Variants in DDX50 observed in about 807,000 individuals in gnomAD.
DDX50 encodes DExD-box helicase 50.
Under a neutral mutation model 94.8 loss-of-function variants are expected in DDX50, and 56 were observed. The ratio of observed to expected loss-of-function variants is 0.59; its 90% CI spans 0.48 to 0.74. DDX50 has a LOEUF of 0.74. Among genes scored for constraint, DDX50 ranks in the 30% least tolerant of loss-of-function variants. The pLI, the probability that DDX50 is intolerant of heterozygous loss-of-function variation, is 0.00. For missense variants in DDX50, 713 were observed against 881.2 expected (o/e 0.81, Z 2.42); for synonymous variants, 264 against 295.4 (o/e 0.89, Z 1.09).
At chr10:68,925,713 A>T (rs933076969) in intron 8 of DDX50, among the ~76,000 whole-genome samples, 3 of 152,060 alleles carry the variant, frequency 2.0e-5, no homozygotes, top group Admixed American at 2.0e-4. Flanking sequence ...GTCTCTATAA[A>T]AAGTTAAAAA....
At chr10:68,937,324 A>G (rs1182069343) in intron 12 of DDX50, among the ~76,000 whole-genome samples, 1 of 152,112 alleles carries the variant, frequency 6.6e-6, no homozygotes, top group Non-Finnish European at 1.5e-5. Context: ...GTAACCACAT[A>G]CGATCCACCT....
intron 8 of DDX50, among the ~76,000 whole-genome samples, chr10:68,925,444 G>A (rs570171019): frequency 1.3e-5 from 2 of 151,970 alleles, no homozygotes; most frequent in South Asian, 2.1e-4. Context: ...AGACCATTTT[G>A]TCAGTTATTT....
chr10:68,933,889 C>T (rs7911108), intron 8 of DDX50, among the ~76,000 whole-genome samples: 87,787 of 150,944 alleles, frequency 0.58, 26,586 homozygotes, highest in East Asian at 0.89. Context: ...GAGCCAAGAT[C>T]GCTCCATTGC....
chr10:68,917,728 G>C (rs1268145173), intron 7 of DDX50, among the ~76,000 whole-genome samples: 1 of 152,052 alleles, frequency 6.6e-6, no homozygotes, highest in Non-Finnish European at 1.5e-5. Flanking sequence ...TTAGCCACCT[G>C]AGTGGCTGGG....
At chr10:68,920,351 T>A (rs1183335179) in intron 8 of DDX50, among the ~76,000 whole-genome samples, 5 of 152,082 alleles carry the variant, frequency 3.3e-5, no homozygotes, top group African/African-American at 7.2e-5. Flanking sequence ...TTTGTAGAGA[T>A]AAGATTTCAC....
Position 68,934,838 on chromosome 10 carries a change from A to G in DDX50, c.1441A>G (p.Arg481Gly), listed in dbSNP as rs750403932. 3 of 1,613,138 alleles carry G rather than the reference A, an allele frequency of 1.9e-6. No homozygotes were observed. Reference protein sequence around the residue: ...SYIHRSGRTGRAGRTGICICF... With the variant: ...SYIHRSGRTGGAGRTGICICF... ...TATCCATCGCTCTGGACGCACAGGT[A>G]GAGCTGGACGGACAGGGATTTGTAT... is the stretch of plus-strand genomic sequence containing the variant. The change falls in exon 10 of 15, where the codon AGA becomes GGA. Residue 481 changes from arginine to glycine, a missense_variant. Arg to Gly is a moderately radical substitution (Grantham distance 125). Coordinates refer to ENST00000373585, the MANE Select transcript of DDX50 (RefSeq NM_024045.2). This position sits in a 1 kb window ranked among gnomAD's most constrained non-coding sequence, Gnocchi z 4.0.
intron 12 of DDX50, among the ~76,000 whole-genome samples, chr10:68,939,521 G>C (rs4746804): frequency 2.6e-5 from 4 of 151,988 alleles, no homozygotes; most frequent in Non-Finnish European, 5.9e-5. Flanking sequence ...TCTTCTTGAC[G>C]TCATGTCTTA....
rs1842683912 is a variant in DDX50 at position 68,946,734 on chromosome 10, A to G, written c.*104A>G. 1.4e-6 allele frequency: 2 copies of G among 1,407,804 alleles called. No homozygotes were observed. Among genetic ancestry groups the G allele is most frequent in the South Asian group, 2.8e-5 (2 of 71,954 alleles). The allele number at this position is 1,407,804 out of a possible 1,614,324, so 87.2% of individuals were successfully genotyped here. A position where few individuals can be genotyped will look rare whatever the true frequency, so the allele number is the denominator to read the frequency against. On this transcript the variant is annotated 3_prime_UTR_variant, in exon 15 of 15. Transcript: ENST00000373585. ...ATCATAGTTGAGGTATGTGTCTGCTATTTGCAAAGAAGTTGGTCGTATTTT... is the reference window on the plus strand; with the variant it reads ...ATCATAGTTGAGGTATGTGTCTGCTGTTTGCAAAGAAGTTGGTCGTATTTT...
At chr10:68,925,263 C>T (rs1842054508) in intron 8 of DDX50, among the ~76,000 whole-genome samples, 1 of 151,038 alleles carries the variant, frequency 6.6e-6, no homozygotes, top group East Asian at 1.9e-4. Context: ...GCCACCATGC[C>T]CAACTAATTT....
intron 14 of DDX50, among the ~76,000 whole-genome samples, chr10:68,945,950 ATATT>A (rs200718583): frequency 4.0e-5 from 6 of 148,200 alleles, no homozygotes; most frequent in Non-Finnish European, 7.5e-5. Context: ...TTTAATTAGT[ATATT>A]TATTTAATTA....
intron 7 of DDX50, among the ~76,000 whole-genome samples, chr10:68,914,743 T>G (rs61868261): frequency 0.26 from 40,024 of 152,218 alleles, 6,591 homozygotes; most frequent in Non-Finnish European, 0.37. Flanking sequence ...GAAGTTGGGC[T>G]GAGCATGGTG....
intron 12 of DDX50, among the ~76,000 whole-genome samples, chr10:68,938,377 G>A (rs1482635568): frequency 6.6e-6 from 1 of 152,176 alleles, no homozygotes; most frequent in Admixed American, 6.5e-5. Context: ...ATTGGTGCAG[G>A]TAGCTCAGAG....
In DDX50 at chr10:68,906,914, A is replaced by C. The variant is rs1208063178; in HGVS notation, c.291A>C (p.Pro97=). The change falls in exon 2 of 15, where the codon CCA becomes CCC. Residue 97 remains proline (P), a synonymous_variant. Coordinates refer to ENST00000373585, the MANE Select transcript of DDX50 (RefSeq NM_024045.2). The stretch of plus-strand genomic sequence containing the variant: ...ATAAGTCAAGAAGAAAAGATCTACC[A>C]AATGGAGATATAGATGAATATGAAA... ...KSHKSRRKDL[P]NGDIDEYEKK... 1 of 1,609,152 alleles carries C rather than the reference A, an allele frequency of 6.2e-7. No individual in the cohort carries two copies. The highest frequency in any genetic ancestry group is 1.7e-5 in the Admixed American group (1 of 58,588).
intron 12 of DDX50, among the ~76,000 whole-genome samples, chr10:68,939,803 C>T (rs975182916): frequency 1.3e-5 from 2 of 152,128 alleles, no homozygotes; most frequent in Non-Finnish European, 2.9e-5. Context: ...ACGCTTATTA[C>T]TATATGATAT....
chr10:68,945,165 G>C (rs745887253), intron 14 of DDX50, among the ~76,000 whole-genome samples: 4 of 152,030 alleles, frequency 2.6e-5, no homozygotes, highest in Non-Finnish European at 4.4e-5. Flanking sequence ...AAATGTGATT[G>C]CTTGGCCAAA....
At chr10:68,920,396 C>T (rs1437803771) in intron 8 of DDX50, among the ~76,000 whole-genome samples, 2 of 152,120 alleles carry the variant, frequency 1.3e-5, no homozygotes, top group East Asian at 3.9e-4. Context: ...CTCCTGGGCT[C>T]AAGCAATTCC....
intron 2 of DDX50, among the ~76,000 whole-genome samples, chr10:68,907,735 T>A (rs1046347542): frequency 7.9e-5 from 12 of 152,164 alleles, no homozygotes; most frequent in African/African-American, 2.9e-4. Context: ...GGCCTTTTTT[T>A]TTTTAATTTG....
In DDX50 at chr10:68,934,726, CATT is replaced by C. The variant is rs1445835319; in HGVS notation, c.1402-66_1402-64del. 2.1e-6 allele frequency: 3 copies of C among 1,415,514 alleles called. No homozygotes were observed. Among genetic ancestry groups the C allele is most frequent in the Admixed American group, 4.8e-5 (2 of 42,054 alleles). The allele number at this position is 1,415,514 out of a possible 1,614,324, so 87.7% of individuals were successfully genotyped here. A position where few individuals can be genotyped will look rare whatever the true frequency, so the allele number is the denominator to read the frequency against. ...ATTGAAATAAATATATTATTATTAA[CATT>C]ATTATTTGGATTCCGGAATGACTGC... On this transcript the variant is annotated intron_variant, in intron 9 of 14. Transcript: ENST00000373585. The surrounding 1 kb of genome is among the most constrained non-coding windows in gnomAD (Gnocchi z 4.0).
chr10:68,936,515 A>AATATATATATATATAT (rs869117307), intron 11 of DDX50, among the ~76,000 whole-genome samples: 1 of 53,144 alleles, frequency 1.9e-5, no homozygotes, highest in South Asian at 1.0e-3. Context: ...AAAAAAAAAA[A>AATATATATATATATAT]ATATATATAT....
Sources: allele counts gnomAD v4.1 joint callset (sites outside exome capture counted in the v4.1 genomes callset), GRCh38; gene constraint gnomAD v4.1.1; non-coding constraint Gnocchi (gnomAD v3.1); transcripts MANE v1.5; gene names NCBI Gene and HGNC (gene_info 2026-07-23, HGNC 2026-07-21).